The following KIAA1549 variants were observed in gnomAD, a reference collection of about 807,000 sequenced individuals.
KIAA1549 encodes the protein KIAA1549.
KIAA1549 carries 70 observed loss-of-function variants against 156.4 expected under a neutral mutation model. The ratio of observed to expected loss-of-function variants is 0.45; its 90% confidence interval spans 0.37 to 0.55. The LOEUF is 0.55. Among genes scored for constraint, KIAA1549 ranks in the 20% least tolerant of loss-of-function variants. The pLI, the probability that KIAA1549 is intolerant of heterozygous loss-of-function variation, is 0.00. For synonymous variants in KIAA1549, 1,103 were observed against 1,066.4 expected (o/e 1.03, Z -0.67); for missense variants, 2,428 against 2,540.9 (o/e 0.96, Z 0.96).
chr7:138,946,869 G>T (rs1294120364), intron 1 of KIAA1549, among the ~76,000 whole-genome samples: 1 of 152,178 alleles, frequency 6.6e-6, no homozygotes, highest in Non-Finnish European at 1.5e-5. Flanking sequence ...GCATTGCCCA[G>T]CGCCTCTGCA....
At position 138,831,852 on chromosome 7, in the gene KIAA1549, G is replaced by C. The variant is rs1357986712; in HGVS notation, c.*6054C>G. ...CCTGCGTCCCAGAGATGCTCCGGAG[G>C]AGGGCAAAGTCGAGGGCGTTCCCAC... On this transcript the variant is annotated 3_prime_UTR_variant, in exon 20 of 20. Coordinates refer to ENST00000422774, the MANE Select transcript of KIAA1549 (RefSeq NM_001164665.2). 2 of 232,874 alleles carry C rather than the reference G, an allele frequency of 8.6e-6. No individual in the cohort carries two copies. Among genetic ancestry groups the C allele is most frequent in the Non-Finnish European group, 1.7e-5 (2 of 117,882 alleles). 14.4% of individuals were successfully genotyped at this position (232,874 alleles called of 1,614,324 possible). A position where few individuals can be genotyped will look rare whatever the true frequency, so the allele number is the denominator to read the frequency against.
chr7:138,911,305 C>T lies in KIAA1549; in HGVS notation c.2986G>A (p.Asp996Asn), dbSNP rs1812165018. The change falls in exon 4 of 20, where the codon GAC becomes AAC. Residue 996 changes from aspartate to asparagine, a missense_variant. Physicochemically the swap from Asp to Asn is conservative, Grantham distance 23 (BLOSUM62 1). Around this residue, in one of 5 missense-constraint regions of KIAA1549, gnomAD observed 762 missense variants for 901.6 expected, o/e 0.85. Coordinates refer to ENST00000422774, the MANE Select transcript of KIAA1549 (RefSeq NM_001164665.2). ...VELKVYELFT[D>N]FTFLVTSGPF... is the part of the protein sequence containing the mutation. ...CCGGATGTTACCAGAAAAGTGAAGT[C>T]AGTAAATAGTTCGTAAACCTAGGGA... is the stretch of plus-strand genomic sequence containing the variant. 6.3e-7 allele frequency: 1 copy of T among 1,595,548 alleles called. No homozygotes were observed. Among genetic ancestry groups the T allele is most frequent in the East Asian group, 2.2e-5 (1 of 44,478 alleles).
Position 138,838,158 on chromosome 7 carries a change from T to C in KIAA1549, c.5601A>G (p.Thr1867=). ...AATACTCTTGATGTCCGAGCATGTG[T>C]GTCTGAAAAACATGGCAAACGTCAC... The part of the protein sequence containing the change: ...GEDEAGRREA[T]HMLGHQEYSS... The change falls in exon 20 of 20, where the codon ACA becomes ACG. Residue 1867 remains threonine, a splice_region_variant and synonymous_variant. Coordinates refer to ENST00000422774, the MANE Select transcript of KIAA1549 (RefSeq NM_001164665.2). 6.8e-7 allele frequency: 1 copy of C among 1,464,020 alleles called. No homozygotes were observed. The highest frequency in any genetic ancestry group is 9.0e-7 in the Non-Finnish European group (1 of 1,113,842). 90.7% of individuals were successfully genotyped at this position (1,464,020 alleles called of 1,614,324 possible). A position where few individuals can be genotyped will look rare whatever the true frequency, so the allele number is the denominator to read the frequency against.
At chr7:138,864,755 C>T (rs1810684644) in intron 15 of KIAA1549, among the ~76,000 whole-genome samples, 1 of 152,198 alleles carries the variant, frequency 6.6e-6, no homozygotes, top group Admixed American at 6.5e-5. Flanking sequence ...CACCCCCTTA[C>T]ACTTCCAAAA....
intron 1 of KIAA1549, among the ~76,000 whole-genome samples, chr7:138,962,813 T>C (rs1355539182): frequency 2.6e-5 from 4 of 152,246 alleles, no homozygotes; most frequent in Admixed American, 2.6e-4. Flanking sequence ...TGATTTGTTA[T>C]GCAGCAATAG....
chr7:138,861,650 G>C (rs901757641), intron 15 of KIAA1549, among the ~76,000 whole-genome samples, 194 bp from the exon 16 acceptor site: 1 of 145,760 alleles, frequency 6.9e-6, no homozygotes, highest in African/African-American at 2.6e-5. Flanking sequence ...CCAGGAGTTC[G>C]AGACCAGCCT....
At chr7:138,902,958 T>G (rs918142231) in intron 8 of KIAA1549, among the ~76,000 whole-genome samples, 1 of 152,212 alleles carries the variant, frequency 6.6e-6, no homozygotes, top group East Asian at 1.9e-4. Flanking sequence ...CTTTGGTTGG[T>G]TGAATTTTAG....
chr7:138,960,245 G>C (rs1348497969), intron 1 of KIAA1549, among the ~76,000 whole-genome samples: 1 of 151,830 alleles, frequency 6.6e-6, no homozygotes, highest in Non-Finnish European at 1.5e-5. Context: ...AGACCAGCCT[G>C]GGCAACATAG....
intron 8 of KIAA1549, among the ~76,000 whole-genome samples, chr7:138,899,862 T>C (rs1811792514): frequency 6.6e-6 from 1 of 152,210 alleles, no homozygotes; most frequent in South Asian, 2.1e-4. Context: ...CTTTCTGGTG[T>C]TAAAAGACAG....
At chr7:138,957,241 T>C (rs1282187307) in intron 1 of KIAA1549, among the ~76,000 whole-genome samples, 1 of 151,822 alleles carries the variant, frequency 6.6e-6, no homozygotes, top group Non-Finnish European at 1.5e-5. Flanking sequence ...GAGGAGGCTG[T>C]TGCAAATCAA....
intron 1 of KIAA1549, among the ~76,000 whole-genome samples, chr7:138,956,588 C>G (rs1813673083): frequency 6.6e-6 from 1 of 151,960 alleles, no homozygotes; most frequent in Non-Finnish European, 1.5e-5. Context: ...TTTCGCTTGG[C>G]TCTCATTCTC....
chr7:138,933,370 A>G (rs577609774), intron 1 of KIAA1549, among the ~76,000 whole-genome samples: 1 of 152,358 alleles, frequency 6.6e-6, no homozygotes, highest in South Asian at 2.1e-4. Flanking sequence ...ATATTGTACA[A>G]AAGACCTGAC....
At chr7:138,969,779 G>T (rs1814161551) in intron 1 of KIAA1549, among the ~76,000 whole-genome samples, 1 of 152,114 alleles carries the variant, frequency 6.6e-6, no homozygotes, top group Non-Finnish European at 1.5e-5. Flanking sequence ...TTTTAATAGG[G>T]ACGGGGTTTC....
chr7:138,917,787 C>A lies in KIAA1549; in HGVS notation c.1839G>T (p.Glu613Asp), dbSNP rs1812386651. ...FSDQERSSFSEHKPRGALDFA... is the reference protein window; with the variant it reads ...FSDQERSSFSDHKPRGALDFA... Reference sequence around the variant, plus strand: ...AATCCAAAGCACCTCTGGGTTTATGCTCAGAAAAACTGGAACGTTCTTGGT... The same window carrying A: ...AATCCAAAGCACCTCTGGGTTTATGATCAGAAAAACTGGAACGTTCTTGGT... Residue 613 changes from glutamate to aspartate, a missense_variant, in exon 2 of 20, where the codon GAG becomes GAT. Around this residue, in one of 5 missense-constraint regions of KIAA1549, gnomAD observed 893 missense variants for 847.9 expected, o/e 1.05. Coordinates refer to ENST00000422774, the MANE Select transcript of KIAA1549 (RefSeq NM_001164665.2). 6.3e-7 allele frequency: 1 copy of A among 1,580,854 alleles called. No homozygotes were observed. Among genetic ancestry groups the A allele is most frequent in the Non-Finnish European group, 8.6e-7 (1 of 1,163,364 alleles).
intron 1 of KIAA1549, among the ~76,000 whole-genome samples, chr7:138,936,908 C>G (rs1813029613): frequency 6.6e-6 from 1 of 152,128 alleles, no homozygotes; most frequent in South Asian, 2.1e-4. Context: ...TCTGCAGCCT[C>G]CTCTATCCCC....
At chr7:138,873,973 ATAT>A (rs1225517515) in intron 12 of KIAA1549, among the ~76,000 whole-genome samples, 1 of 144,548 alleles carries the variant, frequency 6.9e-6, no homozygotes, top group African/African-American at 2.7e-5. Context: ...TATATCACAC[ATAT>A]TATATATTAG....
chr7:138,867,044 C>T (rs961524362), intron 15 of KIAA1549, among the ~76,000 whole-genome samples: 1 of 152,018 alleles, frequency 6.6e-6, no homozygotes, highest in African/African-American at 2.4e-5. Flanking sequence ...CTCAAGCGAT[C>T]CATCCACCTC....
In KIAA1549 at chr7:138,858,396, T is replaced by C. The variant is rs151173968; in HGVS notation, c.5247+2743A>G. 2.3e-3 allele frequency among the ~76,000 whole-genome samples: 344 copies of C among 152,264 alleles called. 1 individual carries two copies. The highest frequency in any genetic ancestry group is 8.0e-3 in the African/African-American group (331 of 41,562). ...CAGGTGTGAGCCACCACATACAGCT[T>C]GTCTACTAATTCTATCATCTGTATC... On this transcript the variant is annotated intron_variant, in intron 16 of 19. Transcript: ENST00000422774.
chr7:138,887,682 C>T (rs755179358), intron 10 of KIAA1549, among the ~76,000 whole-genome samples: 1 of 152,192 alleles, frequency 6.6e-6, no homozygotes, highest in African/African-American at 2.4e-5. Flanking sequence ...GTAGAAACCT[C>T]GGGAACATCA....
Sources: gnomAD v4.1 joint callset for allele counts (sites outside exome capture counted in the v4.1 genomes callset) on GRCh38, gnomAD v4.1.1 for gene constraint, gnomAD v4.1.1 regional missense constraint, MANE v1.5 for transcripts, NCBI Gene and HGNC (gene_info 2026-07-23, HGNC 2026-07-21) for gene names.